SRSF11: variants seen among roughly 807,000 people sequenced by gnomAD.
SRSF11 encodes the protein serine/arginine-rich splicing factor 11.
Under a neutral mutation model 56.0 loss-of-function variants are expected in SRSF11, and 9 were observed. The observed-to-expected ratio is 0.16, with a 90% CI of 0.10 to 0.28. The LOEUF (loss-of-function observed/expected upper bound fraction) is 0.28, where lower values mean the gene tolerates loss of function less well. Ranked by LOEUF, SRSF11 falls within the 10% of genes least tolerant of loss-of-function variation. SRSF11 has a pLI of 1.00. For missense variants in SRSF11, 421 were observed against 600.7 expected (o/e 0.70, Z 3.13); for synonymous variants, 222 against 215.3 (o/e 1.03, Z -0.27).
intron 3 of SRSF11, 84 bp from the exon 4 acceptor site, chr1:70,234,612 G>T (rs537175733): frequency 9.1e-7 from 1 of 1,097,936 alleles, no homozygotes; most frequent in Admixed American, 2.4e-5. Context: ...GTTGTTATCT[G>T]ACCCTTTACA....
intron 1 of SRSF11, 58 bp downstream of exon 1, chr1:70,221,897 C>G: frequency 6.2e-7 from 1 of 1,601,098 alleles, no homozygotes; most frequent in East Asian, 2.2e-5. Flanking sequence ...GGGCCTAACA[C>G]ACACAATTTC....
chr1:70,221,483 A>T lies in SRSF11; in HGVS notation c.-154A>T. ...CCGCGGCGTGCGGCGGGGCGGAGAA[A>T]CGGCGGCGGCGGCGGCGGCATCGGC... is the stretch of plus-strand genomic sequence containing the variant. On this transcript the variant is annotated 5_prime_UTR_variant, in exon 1 of 12. Coordinates refer to ENST00000370949, the MANE Select transcript of SRSF11 (RefSeq NM_001350605.2). 1 of 1,126,448 alleles carries T rather than the reference A, an allele frequency of 8.9e-7. No individual in the cohort carries two copies. Among genetic ancestry groups the T allele is most frequent in the Non-Finnish European group, 1.2e-6 (1 of 801,512 alleles). 69.8% of individuals were successfully genotyped at this position (1,126,448 alleles called of 1,614,324 possible).
chr1:70,240,661 C>T (rs1014085166), intron 7 of SRSF11, among the ~76,000 whole-genome samples: 1 of 151,704 alleles, frequency 6.6e-6, no homozygotes, highest in Non-Finnish European at 1.5e-5. Context: ...CATCCTAGTT[C>T]TTCTAGTCAG....
rs780260120 is a variant in SRSF11 at position 70,232,341 on chromosome 1, T to C, written c.411T>C (p.Gly137=). 2 of 1,614,160 alleles carry C rather than the reference T, an allele frequency of 1.2e-6. No individual in the cohort carries two copies. Among genetic ancestry groups the C allele is most frequent in the East Asian group, 2.2e-5 (1 of 44,870 alleles). The part of the protein sequence containing the change: ...PANAVAGLLP[G]GGLLPTPNPL... Reference sequence around the variant, plus strand: ...ATGCAGTGGCAGGTCTTCTGCCTGGTGGTGGACTCCTGCCTACTCCTAACC... The same window carrying C: ...ATGCAGTGGCAGGTCTTCTGCCTGGCGGTGGACTCCTGCCTACTCCTAACC... The change falls in exon 3 of 12, where the codon GGT becomes GGC. Residue 137 remains glycine, a synonymous_variant. Coordinates refer to ENST00000370949, the MANE Select transcript of SRSF11 (RefSeq NM_001350605.2).
intron 6 of SRSF11, 70 bp downstream of exon 6, chr1:70,237,622 G>T: frequency 6.3e-7 from 1 of 1,585,300 alleles, no homozygotes. Flanking sequence ...ATGTGGAATT[G>T]TGTTGAGTGA....
intron 7 of SRSF11, among the ~76,000 whole-genome samples, chr1:70,240,096 C>T (rs955879392): frequency 6.6e-6 from 1 of 152,152 alleles, no homozygotes; most frequent in African/African-American, 2.4e-5. Context: ...GTTAGTTCAG[C>T]TCATAACTCA....
At chr1:70,214,669 G>A (rs772563262) in intron 1 of SRSF11, among the ~76,000 whole-genome samples, 8 of 151,986 alleles carry the variant, frequency 5.3e-5, no homozygotes, top group Non-Finnish European at 1.0e-4. Flanking sequence ...TTCTGTCCTG[G>A]TATGTGTGTC....
intron 1 of SRSF11, among the ~76,000 whole-genome samples, chr1:70,225,156 A>G (rs1184469812): frequency 6.6e-6 from 1 of 152,216 alleles, no homozygotes; most frequent in African/African-American, 2.4e-5. Context: ...AGTGCTTATC[A>G]GGTGATGATC....
In SRSF11 at chr1:70,252,270, T is replaced by G. The variant is rs959444279; in HGVS notation, c.*1465T>G. ...GGTTGGATAAAGCAATGAACTTTAG[T>G]ATAAACAAATCCCACCTATATCTAG... On this transcript the variant is annotated 3_prime_UTR_variant, in exon 12 of 12. Coordinates refer to ENST00000370949, the MANE Select transcript of SRSF11 (RefSeq NM_001350605.2). 1 of 152,148 alleles carries G rather than the reference T, an allele frequency of 6.6e-6. No homozygotes were observed. The highest frequency in any genetic ancestry group is 2.4e-5 in the African/African-American group (1 of 41,452). 9.4% of individuals were successfully genotyped at this position (152,148 alleles called of 1,614,324 possible).
At chr1:70,245,274 A>G (rs1269117586) in intron 8 of SRSF11, among the ~76,000 whole-genome samples, 2 of 152,038 alleles carry the variant, frequency 1.3e-5, no homozygotes, top group African/African-American at 2.4e-5. Flanking sequence ...TCTAGAAGCA[A>G]CTCTATATTT....
chr1:70,219,105 T>C (rs1219747914), upstream of SRSF11, among the ~76,000 whole-genome samples: 1 of 152,226 alleles, frequency 6.6e-6, no homozygotes, highest in Non-Finnish European at 1.5e-5. Context: ...AGATTTTAAA[T>C]GTTAGGATTA....
intron 2 of SRSF11, 181 bp downstream of exon 2, chr1:70,228,736 G>A (rs1037822175): frequency 7.8e-7 from 1 of 1,276,812 alleles, no homozygotes; most frequent in South Asian, 2.8e-5. Context: ...TAGAAATTAG[G>A]TCTGTTATTA....
At chr1:70,206,729 G>A (rs1045476046) in intron 1 of SRSF11, among the ~76,000 whole-genome samples, 1 of 151,952 alleles carries the variant, frequency 6.6e-6, no homozygotes, top group Non-Finnish European at 1.5e-5. Context: ...TCTTCATCAC[G>A]CACTTTTACC....
At chr1:70,212,911 G>C (rs1019892056) in intron 1 of SRSF11, among the ~76,000 whole-genome samples, 1 of 151,978 alleles carries the variant, frequency 6.6e-6, no homozygotes, top group African/African-American at 2.4e-5. Flanking sequence ...TATTAGCTGG[G>C]TGTGGCGGCG....
At chr1:70,220,615 C>T (rs1429646641), upstream of SRSF11, among the ~76,000 whole-genome samples, 2 of 152,172 alleles carry the variant, frequency 1.3e-5, no homozygotes, top group African/African-American at 2.4e-5. Flanking sequence ...TTTGGGAGGC[C>T]AAGGCGGGTG....
intron 1 of SRSF11, among the ~76,000 whole-genome samples, chr1:70,215,445 C>T (rs985177491): frequency 1.3e-5 from 2 of 152,180 alleles, no homozygotes; most frequent in African/African-American, 4.8e-5. Flanking sequence ...TTGTATGAGG[C>T]ATTTGTAAAG....
intron 3 of SRSF11, 58 bp from the exon 4 acceptor site, chr1:70,234,638 C>A (rs1673552900): frequency 2.9e-6 from 4 of 1,390,660 alleles, no homozygotes; most frequent in Non-Finnish European, 3.9e-6. Context: ...AAAGTATTAA[C>A]CCCTGGTATA....
At chr1:70,233,212 TTTG>T (rs1177682675) in intron 3 of SRSF11, among the ~76,000 whole-genome samples, 1 of 151,816 alleles carries the variant, frequency 6.6e-6, no homozygotes, top group African/African-American at 2.4e-5. Flanking sequence ...TCTGTTTTGT[TTTG>T]TTTTTTTTTG....
At chr1:70,237,594 A>T (rs777291579) in intron 6 of SRSF11, 42 bp downstream of exon 6, 1 of 1,599,876 alleles carries the variant, frequency 6.3e-7, no homozygotes, top group Non-Finnish European at 8.5e-7. Flanking sequence ...ATTCTTAGCA[A>T]AAATGATTTT....
Sources: allele counts gnomAD v4.1 joint callset (sites outside exome capture counted in the v4.1 genomes callset), GRCh38; gene constraint gnomAD v4.1.1; transcripts MANE v1.5; gene names NCBI Gene and HGNC (gene_info 2026-07-23, HGNC 2026-07-21).